FRMD4A: variants seen among roughly 807,000 people sequenced by gnomAD.
FRMD4A encodes the protein FERM domain-containing protein 4A.
FRMD4A carries 29 observed loss-of-function variants against 129.1 expected under a neutral mutation model. The ratio of observed to expected loss-of-function variants is 0.22; its 90% CI spans 0.17 to 0.31. The LOEUF is 0.31. Among genes scored for constraint, FRMD4A ranks in the 10% least tolerant of loss-of-function variants. The probability of loss-of-function intolerance (pLI) is 1.00; values close to 1 mark genes in which losing one functional copy is unlikely to be tolerated. For missense variants in FRMD4A, 1,272 were observed against 1,375.8 expected, an observed-to-expected ratio of 0.92 and a Z score of 1.19; for synonymous variants, 634 against 571.6, an observed-to-expected ratio of 1.11 and a Z score of -1.56.
intron 2 of FRMD4A, among the ~76,000 whole-genome samples, chr10:14,210,005 A>G (rs72778648): frequency 0.026 from 3,973 of 152,350 alleles, 72 homozygotes; most frequent in South Asian, 0.045. Flanking sequence ...GAAGGATTCC[A>G]GGAGGAGCCA....
chr10:14,143,962 T>C (rs2131845649), intron 2 of FRMD4A, among the ~76,000 whole-genome samples: 1 of 152,300 alleles, frequency 6.6e-6, no homozygotes, highest in South Asian at 2.1e-4. Flanking sequence ...TTTTTTACAT[T>C]GAAAAATGGA....
chr10:14,266,037 G>A (rs1844965762), intron 2 of FRMD4A, among the ~76,000 whole-genome samples: 1 of 152,068 alleles, frequency 6.6e-6, no homozygotes, highest in African/African-American at 2.4e-5. Context: ...TCAAGACTTG[G>A]AAGCAACAAA....
intron 2 of FRMD4A, among the ~76,000 whole-genome samples, chr10:14,223,853 G>T (rs182244488): frequency 6.6e-6 from 1 of 151,560 alleles, no homozygotes. Flanking sequence ...TCTCCCTGTC[G>T]TTGGACTCCC....
At chr10:13,984,019 G>A (rs1346467352) in intron 2 of FRMD4A, among the ~76,000 whole-genome samples, 1 of 151,524 alleles carries the variant, frequency 6.6e-6, no homozygotes, top group Non-Finnish European at 1.5e-5. Flanking sequence ...AAAACAACTG[G>A]GAACCACGGC....
chr10:13,789,511 A>C (rs984973120), intron 5 of FRMD4A, among the ~76,000 whole-genome samples: 2 of 152,010 alleles, frequency 1.3e-5, no homozygotes, highest in Non-Finnish European at 2.9e-5. Flanking sequence ...AGAATAATCC[A>C]GACATGTAGG....
intron 15 of FRMD4A, 84 bp from the exon 16 acceptor site, chr10:13,675,128 T>C: frequency 7.8e-7 from 1 of 1,277,346 alleles, no homozygotes; most frequent in Non-Finnish European, 1.1e-6. Context: ...GAGCCCATGC[T>C]GCGGAGATGG....
At chr10:14,113,861 T>C (rs1838058894) in intron 2 of FRMD4A, among the ~76,000 whole-genome samples, 1 of 152,168 alleles carries the variant, frequency 6.6e-6, no homozygotes, top group African/African-American at 2.4e-5. Context: ...GTTCCTATTA[T>C]TGAAAAGCAC....
chr10:13,950,434 A>G (rs533371029), intron 2 of FRMD4A, among the ~76,000 whole-genome samples: 1 of 152,162 alleles, frequency 6.6e-6, no homozygotes, highest in Non-Finnish European at 1.5e-5. Context: ...TGGAGGGGAC[A>G]GAAAAACAAG....
chr10:13,828,535 C>CTTTCTTTT (rs1554923864), intron 3 of FRMD4A, among the ~76,000 whole-genome samples: 3 of 135,242 alleles, frequency 2.2e-5, no homozygotes, highest in Admixed American at 7.8e-5. Flanking sequence ...TTCTTTCTTT[C>CTTTCTTTT]TTTTTTTTTT....
rs1217856823 is a variant in FRMD4A, at chr10:14,127,996, CTCTCTTTCTT to C, written c.45+202052_45+202061del. Among the ~76,000 whole-genome samples, 213 of 119,358 alleles carry C rather than the reference CTCTCTTTCTT, an allele frequency of 1.8e-3. 8 individuals carry two copies. The highest frequency in any genetic ancestry group is 2.3e-3 in the African/African-American group (58 of 24,850). 78.3% of individuals were successfully genotyped at this position (119,358 alleles called of 152,430 possible). On this transcript the variant is annotated intron_variant, in intron 2 of 24. Coordinates refer to ENST00000357447, the MANE Select transcript of FRMD4A (RefSeq NM_018027.5). ...TTTCTTTCCTTCTCTCTCTCTCTCT[CTCTCTTTCTT>C]TCTTTCTTCCTTCCTTCCTTCCTTC...
At chr10:14,168,496 C>T (rs967545601) in intron 2 of FRMD4A, among the ~76,000 whole-genome samples, 1 of 152,164 alleles carries the variant, frequency 6.6e-6, no homozygotes, top group African/African-American at 2.4e-5. Flanking sequence ...TCGCTCTGAC[C>T]TCTTTGAGCA....
In FRMD4A at chr10:14,206,809, C is replaced by CAAA. The variant is rs57029013; in HGVS notation, c.45+123246_45+123248dup. ...TGGATGACAGAGTGAGACGCTATCT[C>CAAA]AAAAAAAAAAAAGAGAGACAGAGAA... is the stretch of plus-strand genomic sequence containing the variant. On this transcript the variant is annotated intron_variant, in intron 2 of 24. Coordinates refer to ENST00000357447, the MANE Select transcript of FRMD4A (RefSeq NM_018027.5). 9.3e-5 allele frequency among the ~76,000 whole-genome samples: 4 copies of CAAA among 43,066 alleles called. 1 individual carries two copies. The highest frequency in any genetic ancestry group is 8.0e-4 in the East Asian group (1 of 1,246). The allele number at this position is 43,066 out of a possible 152,430, so 28.3% of individuals were successfully genotyped here. A position where few individuals can be genotyped will look rare whatever the true frequency, so the allele number is the denominator to read the frequency against.
intron 2 of FRMD4A, among the ~76,000 whole-genome samples, chr10:14,043,147 AC>A (rs1474393542): frequency 6.6e-6 from 1 of 152,158 alleles, no homozygotes; most frequent in Non-Finnish European, 1.5e-5. Context: ...CCAGAAGGTT[AC>A]CATGTTATCT....
intron 4 of FRMD4A, among the ~76,000 whole-genome samples, chr10:13,802,946 G>A (rs1388742597): frequency 2.6e-5 from 4 of 152,076 alleles, no homozygotes; most frequent in Non-Finnish European, 4.4e-5. Context: ...CCAGGAGTTC[G>A]AGACCAGCCT....
chr10:13,930,682 G>A (rs751606459), intron 2 of FRMD4A, among the ~76,000 whole-genome samples: 14 of 152,124 alleles, frequency 9.2e-5, no homozygotes, highest in Non-Finnish European at 1.3e-4. Context: ...AGAAAACGTC[G>A]TTTGAGGGAA....
intron 2 of FRMD4A, among the ~76,000 whole-genome samples, chr10:14,013,246 C>T (rs2095688039): frequency 6.6e-6 from 1 of 152,184 alleles, no homozygotes; most frequent in African/African-American, 2.4e-5. Context: ...AGCCATACTT[C>T]CTTGTAACAT....
intron 2 of FRMD4A, among the ~76,000 whole-genome samples, chr10:13,900,224 G>T (rs907868068): frequency 6.6e-6 from 1 of 152,146 alleles, no homozygotes; most frequent in Non-Finnish European, 1.5e-5. Context: ...GGTCCCCGGG[G>T]TGTATGAAGA....
intron 2 of FRMD4A, among the ~76,000 whole-genome samples, chr10:14,006,668 G>A (rs2095663341): frequency 6.6e-6 from 1 of 152,170 alleles, no homozygotes; most frequent in African/African-American, 2.4e-5. Flanking sequence ...GTTAGCATTT[G>A]TGAATAAATA....
intron 3 of FRMD4A, among the ~76,000 whole-genome samples, chr10:13,836,076 C>T (rs56026720): frequency 0.16 from 23,770 of 152,250 alleles, 2,242 homozygotes; most frequent in South Asian, 0.27. Flanking sequence ...CAGCTCACTG[C>T]AGCCTCTGCC....
Sources: allele counts gnomAD v4.1 joint callset (sites outside exome capture counted in the v4.1 genomes callset), GRCh38; gene constraint gnomAD v4.1.1; transcripts MANE v1.5; gene names NCBI Gene and HGNC (gene_info 2026-07-23, HGNC 2026-07-21).